CNST: variants seen among roughly 807,000 people sequenced by gnomAD.
The protein encoded by CNST is consortin.
A neutral mutation model predicts 72.4 loss-of-function variants in CNST; 39 were observed. The ratio of observed to expected loss-of-function variants is 0.54; its 90% CI spans 0.42 to 0.70. CNST has a LOEUF of 0.70. Among genes scored for constraint, CNST ranks in the 30% least tolerant of loss-of-function variants. The probability of loss-of-function intolerance (pLI) is 0.00; values close to 1 mark genes in which losing one functional copy is unlikely to be tolerated. For synonymous variants in CNST, 332 were observed against 320.1 expected, an observed-to-expected ratio of 1.04 and a Z score of -0.40; for missense variants, 871 against 868.5, an observed-to-expected ratio of 1.00 and a Z score of -0.04.
Position 246,585,656 on chromosome 1 carries a change from A to G in CNST, c.-51-5856A>G, listed in dbSNP as rs1261235947. On this transcript the variant is annotated intron_variant, in intron 1 of 10. Coordinates refer to ENST00000366513, the MANE Select transcript of CNST (RefSeq NM_152609.3). ...GACTCTGTCTCAAAAAAAAAAAAAA[A>G]AAAAAAATATACACACACACACACA... 4.9e-4 allele frequency among the ~76,000 whole-genome samples: 42 copies of G among 85,552 alleles called. 2 individuals carry two copies. Among genetic ancestry groups the G allele is most frequent in the African/African-American group, 2.1e-3 (35 of 16,466 alleles). The allele number at this position is 85,552 out of a possible 152,430, so 56.1% of individuals were successfully genotyped here.
intron 9 of CNST, among the ~76,000 whole-genome samples, chr1:246,652,280 A>T (rs1666485858): frequency 6.6e-6 from 1 of 152,202 alleles, no homozygotes. Flanking sequence ...AGCTCCTAGC[A>T]TCCAAACTTG....
At chr1:246,652,025 C>T (rs1666474165) in intron 9 of CNST, among the ~76,000 whole-genome samples, 1 of 152,118 alleles carries the variant, frequency 6.6e-6, no homozygotes, top group Admixed American at 6.5e-5. Flanking sequence ...TCGTCTGGCA[C>T]CAAGTGTGTT....
chr1:246,636,135 G>A (rs966547212), intron 6 of CNST, among the ~76,000 whole-genome samples: 2 of 152,156 alleles, frequency 1.3e-5, no homozygotes, highest in Admixed American at 1.3e-4. Flanking sequence ...TTTTTGACAA[G>A]ACACAATTGA....
chr1:246,609,344 G>A (rs1304778301), intron 2 of CNST, among the ~76,000 whole-genome samples: 1 of 152,212 alleles, frequency 6.6e-6, no homozygotes, highest in East Asian at 1.9e-4. Context: ...GAGAGGCTGA[G>A]GCAGGCGGAT....
chr1:246,614,285 T>G (rs1663536103), intron 2 of CNST, among the ~76,000 whole-genome samples: 1 of 152,164 alleles, frequency 6.6e-6, no homozygotes. Context: ...ATACATGAAA[T>G]AAAACTTTGA....
intron 3 of CNST, among the ~76,000 whole-genome samples, chr1:246,626,627 T>G (rs2103087531): frequency 6.6e-6 from 1 of 151,682 alleles, no homozygotes; most frequent in Non-Finnish European, 1.5e-5. Flanking sequence ...TGGCTAATTT[T>G]TAAATTTTTA....
intron 9 of CNST, among the ~76,000 whole-genome samples, chr1:246,649,030 C>T (rs1282915481): frequency 6.6e-6 from 1 of 152,070 alleles, no homozygotes; most frequent in Non-Finnish European, 1.5e-5. Context: ...TAAACAATGA[C>T]TTTTCTTTTT....
In CNST at chr1:246,612,423, G is replaced by A. The variant is rs866916819; in HGVS notation, c.380-9006G>A. 3.1e-4 allele frequency among the ~76,000 whole-genome samples: 47 copies of A among 152,112 alleles called. No individual in the cohort carries two copies. The Middle Eastern group carries it at 0.02, about 66-fold the overall frequency. On this transcript the variant is annotated intron_variant, in intron 2 of 10. Coordinates refer to ENST00000366513, the MANE Select transcript of CNST (RefSeq NM_152609.3). ...TCGCCATGTTGGGCAGGCTGGTCTC[G>A]AACTCCTGACCTCAGGTGATCCACC...
chr1:246,655,101 C>T (rs1481611113), intron 9 of CNST, among the ~76,000 whole-genome samples: 3 of 152,166 alleles, frequency 2.0e-5, no homozygotes, highest in Non-Finnish European at 2.9e-5. Context: ...TTGACATTCT[C>T]ATTTCTTTTT....
At chr1:246,660,097 G>A in intron 9 of CNST, 102 bp from the exon 10 acceptor site, 2 of 928,464 alleles carry the variant, frequency 2.2e-6, no homozygotes. Flanking sequence ...GGATACCCCT[G>A]TAATAAAAAT....
chr1:246,579,274 T>G (rs1490596499), intron 1 of CNST, among the ~76,000 whole-genome samples: 1 of 152,210 alleles, frequency 6.6e-6, no homozygotes, highest in Non-Finnish European at 1.5e-5. Flanking sequence ...AGATCCCTGG[T>G]CAGCTTTTTC....
intron 2 of CNST, among the ~76,000 whole-genome samples, chr1:246,613,102 G>C (rs1663444122): frequency 6.6e-6 from 1 of 152,146 alleles, no homozygotes; most frequent in East Asian, 1.9e-4. Context: ...TGTGGGATCT[G>C]AAGCACAGAG....
At chr1:246,665,095 C>T (rs1667334395) in intron 10 of CNST, among the ~76,000 whole-genome samples, 1 of 152,108 alleles carries the variant, frequency 6.6e-6, no homozygotes, top group African/African-American at 2.4e-5. Context: ...TCGGGGTGGG[C>T]ATGCTGGCTC....
chr1:246,589,276 C>T (rs1404208055), intron 1 of CNST, among the ~76,000 whole-genome samples: 1 of 137,492 alleles, frequency 7.3e-6, no homozygotes, highest in Non-Finnish European at 1.6e-5. Context: ...CCCCCCACCC[C>T]ACAACAGTCC....
Position 246,605,911 on chromosome 1 carries a change from G to A in CNST, c.379+13970G>A, listed in dbSNP as rs1447732401. The A allele has an allele frequency of 5.9e-5, 9 of 151,976 alleles. 1 individual carries two copies. The highest frequency in any genetic ancestry group is 2.2e-4 in the African/African-American group (9 of 41,388). The allele number at this position is 151,976 out of a possible 1,614,324, so 9.4% of individuals were successfully genotyped here. A position where few individuals can be genotyped will look rare whatever the true frequency, so the allele number is the denominator to read the frequency against. On this transcript the variant is annotated intron_variant, in intron 2 of 10. Coordinates refer to ENST00000366513, the MANE Select transcript of CNST (RefSeq NM_152609.3). ...TCGCTGACGCGCGCTGCTGGTGCAA[G>A]CGGCCTTGCGCCTTGGGACTGGGTC...
At chr1:246,576,906 G>T (rs1174591869) in intron 1 of CNST, among the ~76,000 whole-genome samples, 2 of 151,994 alleles carry the variant, frequency 1.3e-5, no homozygotes, top group African/African-American at 2.4e-5. Context: ...AATTTCGCCT[G>T]TAGGAATCCA....
chr1:246,608,909 C>T (rs114146716), intron 2 of CNST, among the ~76,000 whole-genome samples: 2,932 of 152,294 alleles, frequency 0.019, 96 homozygotes, highest in African/African-American at 0.066. Flanking sequence ...TCTGGATGTA[C>T]GTTGTACGTC....
At chr1:246,566,928 G>A in intron 1 of CNST, 1 of 337,230 alleles carries the variant, frequency 3.0e-6, no homozygotes, top group East Asian at 4.4e-5. Context: ...GCCAGAAGTC[G>A]TTCCTCACCC....
chr1:246,653,999 C>T (rs775867716), intron 9 of CNST, among the ~76,000 whole-genome samples: 1 of 152,206 alleles, frequency 6.6e-6, no homozygotes, highest in Non-Finnish European at 1.5e-5. Context: ...ATTAAACCAA[C>T]CACAGCTGAG....
Sources: gnomAD v4.1 joint callset for allele counts (sites outside exome capture counted in the v4.1 genomes callset) on GRCh38, gnomAD v4.1.1 for gene constraint, MANE v1.5 for transcripts, NCBI Gene and HGNC (gene_info 2026-07-23, HGNC 2026-07-21) for gene names.